CADM1: variants seen among roughly 807,000 people sequenced by gnomAD.
CADM1 encodes TSLC-1.
CADM1 carries 15 observed loss-of-function variants against 53.1 expected under a neutral mutation model. The observed-to-expected ratio is 0.28, with a 90% CI of 0.19 to 0.44. The LOEUF (loss-of-function observed/expected upper bound fraction) is 0.44, where lower values mean the gene tolerates loss of function less well. CADM1 is among the 20% of genes least tolerant of loss of function. CADM1 has a pLI of 1.00. For missense variants in CADM1, 434 were observed against 611.3 expected, an observed-to-expected ratio of 0.71 and a Z score of 3.06; for synonymous variants, 281 against 243.0, an observed-to-expected ratio of 1.16 and a Z score of -1.45.
At chr11:115,298,267 G>T (rs931730516) in intron 1 of CADM1, among the ~76,000 whole-genome samples, 1 of 152,132 alleles carries the variant, frequency 6.6e-6, no homozygotes, top group African/African-American at 2.4e-5. Context: ...TGTCTGGTAG[G>T]GATTTTAGGA....
intron 3 of CADM1, among the ~76,000 whole-genome samples, chr11:115,231,911 G>A (rs1477666320): frequency 1.3e-5 from 2 of 152,028 alleles, no homozygotes; most frequent in African/African-American, 4.8e-5. Context: ...GCTTGAACCT[G>A]GGAGGCGGAG....
intron 5 of CADM1, among the ~76,000 whole-genome samples, chr11:115,227,193 T>C (rs1201614021): frequency 6.6e-6 from 1 of 152,228 alleles, no homozygotes; most frequent in East Asian, 1.9e-4. Context: ...AGAGTCACTT[T>C]CCTGCAATTA....
intron 1 of CADM1, among the ~76,000 whole-genome samples, chr11:115,320,689 A>G (rs191353868): frequency 1.3e-5 from 2 of 150,540 alleles, no homozygotes; most frequent in African/African-American, 4.9e-5. Flanking sequence ...GGAATCCAGA[A>G]AAAAAAAAAG....
chr11:115,233,683 G>A (rs1229998906), intron 3 of CADM1, among the ~76,000 whole-genome samples: 1 of 151,514 alleles, frequency 6.6e-6, no homozygotes, highest in Non-Finnish European at 1.5e-5. Flanking sequence ...ACAAATATAG[G>A]AGTGTCTTCT....
intron 1 of CADM1, among the ~76,000 whole-genome samples, chr11:115,320,893 T>C (rs919698630): frequency 1.3e-5 from 2 of 152,180 alleles, no homozygotes; most frequent in Admixed American, 6.5e-5. Context: ...TTGAATTTCA[T>C]TATTTTACTA....
At chr11:115,233,972 T>C (rs1941921102) in intron 3 of CADM1, among the ~76,000 whole-genome samples, 1 of 152,244 alleles carries the variant, frequency 6.6e-6, no homozygotes, top group African/African-American at 2.4e-5. Flanking sequence ...GAGAAACACT[T>C]TGATGCTCCC....
intron 1 of CADM1, among the ~76,000 whole-genome samples, chr11:115,482,223 TA>T (rs775475039): frequency 7.9e-5 from 12 of 152,212 alleles, no homozygotes; most frequent in Non-Finnish European, 1.8e-4. Flanking sequence ...TTCCTGACTC[TA>T]AGTCTCCATA....
chr11:115,334,970 C>T (rs1211605683), intron 1 of CADM1, among the ~76,000 whole-genome samples: 1 of 152,006 alleles, frequency 6.6e-6, no homozygotes, highest in Non-Finnish European at 1.5e-5. Flanking sequence ...AAGACATAGC[C>T]CTTGGAAATC....
rs776224513 is a variant in CADM1 at position 115,214,640 on chromosome 11, T to C, written c.962A>G (p.Lys321Arg). The stretch of plus-strand genomic sequence containing the variant: ...ATACAGCATATAATCCGAGTGAGCT[T>C]TCCCCACTATGTTTGAAGCTTCACA... ...YRCEASNIVGKAHSDYMLYVY... is the reference protein window; with the variant it reads ...YRCEASNIVGRAHSDYMLYVY... The change falls in exon 7 of 12, where the codon AAA becomes AGA. Residue 321 changes from lysine (K) to arginine (R), a missense_variant. By Grantham distance (26) the Lys-to-Arg change is conservative. Around this residue, in one of 4 missense-constraint regions of CADM1, gnomAD observed 311 missense variants for 435.1 expected, o/e 0.71. Transcript: ENST00000331581. 4 of 1,614,058 alleles carry C rather than the reference T, an allele frequency of 2.5e-6. No homozygotes were observed. Among genetic ancestry groups the C allele is most frequent in the Non-Finnish European group, 3.4e-6 (4 of 1,179,928 alleles).
intron 1 of CADM1, among the ~76,000 whole-genome samples, chr11:115,304,588 T>C (rs1337618379): frequency 6.6e-6 from 1 of 151,976 alleles, no homozygotes; most frequent in Non-Finnish European, 1.5e-5. Flanking sequence ...AAAACTTAAA[T>C]AGAGATATTG....
chr11:115,452,271 CCT>C (rs1488779864), intron 1 of CADM1, among the ~76,000 whole-genome samples: 2 of 152,040 alleles, frequency 1.3e-5, no homozygotes, highest in Non-Finnish European at 2.9e-5. Flanking sequence ...CCCAAGATTT[CCT>C]CTGATTATGT....
intron 1 of CADM1, among the ~76,000 whole-genome samples, chr11:115,481,923 G>A (rs987962472): frequency 2.6e-5 from 4 of 151,724 alleles, no homozygotes; most frequent in South Asian, 4.2e-4. Context: ...GCACCCTCCC[G>A]CTCCCCTCAT....
chr11:115,341,982 T>A (rs1945461408), intron 1 of CADM1, among the ~76,000 whole-genome samples: 1 of 152,180 alleles, frequency 6.6e-6, no homozygotes, highest in African/African-American at 2.4e-5. Flanking sequence ...CTTATCAACA[T>A]AAATGCTTTA....
intron 1 of CADM1, among the ~76,000 whole-genome samples, chr11:115,425,487 TA>T (rs1947866697): frequency 6.6e-6 from 1 of 152,242 alleles, no homozygotes; most frequent in Non-Finnish European, 1.5e-5. Context: ...CACTTGTTGC[TA>T]GGTAACCGCA....
At chr11:115,407,872 TTAA>T (rs1947356698) in intron 1 of CADM1, among the ~76,000 whole-genome samples, 1 of 52,506 alleles carries the variant, frequency 1.9e-5, no homozygotes, top group African/African-American at 8.6e-5. Context: ...ACCCTGTCAT[TTAA>T]AAAAAAAAAA....
intron 1 of CADM1, among the ~76,000 whole-genome samples, chr11:115,292,318 C>T (rs1264530987): frequency 6.6e-6 from 1 of 152,138 alleles, no homozygotes; most frequent in Admixed American, 6.5e-5. Flanking sequence ...TTTGTAGCTT[C>T]ATGCAGTAAT....
intron 7 of CADM1, among the ~76,000 whole-genome samples, chr11:115,209,878 G>A (rs561644391): frequency 1.3e-5 from 2 of 152,290 alleles, no homozygotes; most frequent in South Asian, 4.2e-4. Flanking sequence ...CATTAATGAA[G>A]TGAATTAGGG....
intron 1 of CADM1, among the ~76,000 whole-genome samples, chr11:115,388,354 C>T (rs1022872743): frequency 6.6e-6 from 1 of 152,022 alleles, no homozygotes; most frequent in Admixed American, 6.6e-5. Context: ...GTTGGAAAAT[C>T]ACCATAGAAA....
chr11:115,483,364 A>T (rs1403550226), intron 1 of CADM1, among the ~76,000 whole-genome samples: 1 of 152,212 alleles, frequency 6.6e-6, no homozygotes, highest in Admixed American at 6.5e-5. Context: ...ACACAAAAAT[A>T]ACAATGTGAA....
Sources: allele counts gnomAD v4.1 joint callset (sites outside exome capture counted in the v4.1 genomes callset), GRCh38; gene constraint gnomAD v4.1.1; regional missense constraint gnomAD v4.1.1; transcripts MANE v1.5; gene names NCBI Gene and HGNC (gene_info 2026-07-23, HGNC 2026-07-21).